Variants in CHIA observed in about 807,000 individuals in gnomAD.
CHIA encodes the protein chitinase acidic.
A neutral mutation model predicts 53.5 loss-of-function variants in CHIA; 47 were observed. The observed-to-expected ratio is 0.88, with a 90% CI of 0.70 to 1.12. The LOEUF is 1.12. Among genes scored for constraint, CHIA ranks in the 50% most tolerant of loss-of-function variants. The pLI, the probability that CHIA is intolerant of heterozygous loss-of-function variation, is 0.00. For synonymous variants in CHIA, 268 were observed against 222.2 expected (o/e 1.21, Z -1.83); for missense variants, 652 against 592.2 (o/e 1.10, Z -1.05).
intron 1 of CHIA, among the ~76,000 whole-genome samples, chr1:111,294,123 T>C (rs1035256286): frequency 1.3e-5 from 2 of 152,120 alleles, no homozygotes; most frequent in Non-Finnish European, 2.9e-5. Flanking sequence ...GGGATTTCGA[T>C]AGGGATTGCA....
chr1:111,319,537 G>A (rs1649481289), intron 11 of CHIA, 69 bp downstream of exon 11: 4 of 1,464,576 alleles, frequency 2.7e-6, no homozygotes, highest in African/African-American at 1.4e-5. Flanking sequence ...CAACCCTGAT[G>A]TCTTCCCACC....
chr1:111,310,305 G>A, intron 1 of CHIA, 95 bp from the exon 2 acceptor site: 3 of 1,397,932 alleles, frequency 2.1e-6, no homozygotes, highest in African/African-American at 1.5e-5. Flanking sequence ...GGAGGGTGTA[G>A]GTTGAAGGTC....
intron 1 of CHIA, 35 bp from the exon 2 acceptor site, chr1:111,310,365 A>G: frequency 1.3e-6 from 2 of 1,590,424 alleles, no homozygotes; most frequent in Non-Finnish European, 1.7e-6. Context: ...CTGATTAACT[A>G]CATACACATC....
Position 111,290,965 on chromosome 1 carries a change from A to G in CHIA, c.-69+15A>G, listed in dbSNP as rs1176303529. ...TCCATAGTCTGGTGAGTGTAAATAT[A>G]TATATATCTTTTCCCTTCTCCCTTT... is the stretch of plus-strand genomic sequence containing the variant. On this transcript the variant is annotated intron_variant, in intron 1 of 11. Transcript: ENST00000369740. 1 of 433,636 alleles carries G rather than the reference A, an allele frequency of 2.3e-6. No individual in the cohort carries two copies. Among genetic ancestry groups the G allele is most frequent in the Non-Finnish European group, 4.6e-6 (1 of 217,600 alleles). The allele number at this position is 433,636 out of a possible 1,614,324, so 26.9% of individuals were successfully genotyped here.
chr1:111,314,438 A>C, intron 4 of CHIA, 102 bp from the exon 5 acceptor site: 1 of 779,944 alleles, frequency 1.3e-6, no homozygotes, highest in Non-Finnish European at 2.1e-6. Context: ...TACAAAAGGC[A>C]AAACAAAAAT....
chr1:111,310,278 T>C (rs1407699724), intron 1 of CHIA, 122 bp from the exon 2 acceptor site: 1 of 1,137,916 alleles, frequency 8.8e-7, no homozygotes, highest in Non-Finnish European at 1.2e-6. Context: ...GCAGAGAAGG[T>C]GGTGATGCTG....
intron 1 of CHIA, among the ~76,000 whole-genome samples, chr1:111,297,770 A>T (rs1003806494): frequency 1.3e-5 from 2 of 152,108 alleles, no homozygotes; most frequent in Non-Finnish European, 2.9e-5. Context: ...ATTAAAAGAC[A>T]CAGACTGGCA....
At chr1:111,304,491 A>G (rs1043000167) in intron 1 of CHIA, among the ~76,000 whole-genome samples, 10 of 152,214 alleles carry the variant, frequency 6.6e-5, no homozygotes, top group Non-Finnish European at 1.2e-4. Context: ...ATGTTTACCA[A>G]TTCTTTCTCC....
At chr1:111,302,460 C>T (rs34971749) in intron 1 of CHIA, among the ~76,000 whole-genome samples, 41,332 of 151,908 alleles carry the variant, frequency 0.27, 5,971 homozygotes, top group East Asian at 0.36. Flanking sequence ...TTTTTATTTT[C>T]ATTCATTTCT....
At chr1:111,296,357 G>C (rs543201997) in intron 1 of CHIA, among the ~76,000 whole-genome samples, 2 of 152,174 alleles carry the variant, frequency 1.3e-5, no homozygotes, top group Non-Finnish European at 2.9e-5. Flanking sequence ...CCAGAGGAAG[G>C]ATCAGGCAGC....
chr1:111,294,969 T>C lies in CHIA; in HGVS notation c.-69+4019T>C, dbSNP rs189857212. Among the ~76,000 whole-genome samples the C allele has an allele frequency of 4.6e-5, 7 of 152,310 alleles. No homozygotes were observed. In the East Asian group the frequency reaches 7.7e-4, roughly 17 times the overall value. On this transcript the variant is annotated intron_variant, in intron 1 of 11. Transcript: ENST00000369740. ...TGTTGAGGATTTTTGCATCAGTGTT[T>C]ATAAGGGATTTTGGTCTGTAGTTTA... is the stretch of plus-strand genomic sequence containing the variant.
chr1:111,319,198 G>A lies in CHIA; in HGVS notation c.994G>A (p.Val332Met), dbSNP rs375947945. 3 of 1,613,478 alleles carry A rather than the reference G, an allele frequency of 1.9e-6. No individual in the cohort carries two copies. Among genetic ancestry groups the A allele is most frequent in the African/African-American group, 2.7e-5 (2 of 74,332 alleles). Reference sequence around the variant, plus strand: ...AGTGCCTTATGCCTATCAGGGCAATGTGTGGGTTGGCTATGACAACATCAA... The same window carrying A: ...AGTGCCTTATGCCTATCAGGGCAATATGTGGGTTGGCTATGACAACATCAA... ...QEVPYAYQGN[V>M]WVGYDNIKSF... Residue 332 changes from valine (V) to methionine (M), a missense_variant, in exon 10 of 12, where the codon GTG becomes ATG. Physicochemically the swap from Val to Met is conservative, Grantham distance 21. Transcript: ENST00000369740.
intron 1 of CHIA, among the ~76,000 whole-genome samples, chr1:111,308,677 T>C (rs1267012431): frequency 6.6e-6 from 1 of 152,166 alleles, no homozygotes; most frequent in South Asian, 2.1e-4. Context: ...CATACAACAA[T>C]ATGCTTTTTC....
rs1649058975 is a variant in CHIA at position 111,315,273 on chromosome 1, C to A, written c.318C>A (p.Phe106Leu). ...IGGWNFGTAP[F>L]TAMVSTPENR... Reference sequence around the variant, plus strand: ...GCCTTCTTTGGGTCTCCCTCAGTTTCACTGCCATGGTTTCTACTCCTGAGA... The same window carrying A: ...GCCTTCTTTGGGTCTCCCTCAGTTTAACTGCCATGGTTTCTACTCCTGAGA... The change falls in exon 6 of 12, where the codon TTC (phenylalanine) becomes TTA (leucine). Residue 106 changes from phenylalanine (F) to leucine (L), a missense_variant. Phe to Leu is a conservative substitution (Grantham distance 22). Coordinates refer to ENST00000369740, the MANE Select transcript of CHIA (RefSeq NM_201653.4). 6.2e-7 allele frequency: 1 copy of A among 1,611,398 alleles called. No homozygotes were observed. Among genetic ancestry groups the A allele is most frequent in the African/African-American group, 1.3e-5 (1 of 74,830 alleles).
At chr1:111,292,461 G>T (rs1054950726) in intron 1 of CHIA, among the ~76,000 whole-genome samples, 10 of 152,134 alleles carry the variant, frequency 6.6e-5, no homozygotes, top group Non-Finnish European at 1.3e-4. Flanking sequence ...ACTGGCATTG[G>T]TTATTCTAAC....
At chr1:111,305,377 CTCTT>C (rs978929351) in intron 1 of CHIA, among the ~76,000 whole-genome samples, 2 of 152,140 alleles carry the variant, frequency 1.3e-5, no homozygotes, top group African/African-American at 4.8e-5. Flanking sequence ...GACTGCCTAC[CTCTT>C]TGTCTGCACC....
intron 1 of CHIA, among the ~76,000 whole-genome samples, chr1:111,295,537 T>C (rs1409726243): frequency 6.6e-6 from 1 of 152,052 alleles, no homozygotes. Context: ...TTAGGCAAGA[T>C]GGCCAAAGAG....
At chr1:111,305,139 T>C (rs1648075986) in intron 1 of CHIA, among the ~76,000 whole-genome samples, 1 of 152,144 alleles carries the variant, frequency 6.6e-6, no homozygotes, top group African/African-American at 2.4e-5. Context: ...CTTAAGATCT[T>C]CACAGGTCTT....
chr1:111,298,283 G>C (rs750710763), intron 1 of CHIA, among the ~76,000 whole-genome samples: 1 of 152,180 alleles, frequency 6.6e-6, no homozygotes, highest in Non-Finnish European at 1.5e-5. Context: ...CAAATCAACA[G>C]AATATACATT....
Sources: gnomAD v4.1 joint callset for allele counts (sites outside exome capture counted in the v4.1 genomes callset) on GRCh38, gnomAD v4.1.1 for gene constraint, MANE v1.5 for transcripts, NCBI Gene and HGNC (gene_info 2026-07-23, HGNC 2026-07-21) for gene names.